Variants in GUCA2B observed in about 807,000 individuals in gnomAD.
GUCA2B encodes the protein prepro-uroguanylin.
In GUCA2B, 7 loss-of-function variants were observed where a neutral mutation model predicts 11.1. That is an observed-to-expected ratio of 0.63 (90% CI 0.36 to 1.18). GUCA2B has a LOEUF of 1.18. Among genes scored for constraint, GUCA2B ranks in the 50% most tolerant of loss-of-function variants. The pLI is 0.02. For missense variants in GUCA2B, 140 were observed against 142.5 expected, an observed-to-expected ratio of 0.98 and a Z score of 0.09; for synonymous variants, 69 against 65.3, an observed-to-expected ratio of 1.06 and a Z score of -0.27.
rs565757456 is a variant in GUCA2B at position 42,155,754 on chromosome 1, A to G, written c.*158A>G. The G allele has an allele frequency of 1.1e-4, 72 of 683,208 alleles. No individual in the cohort carries two copies. The highest frequency in any genetic ancestry group is 4.2e-4 in the Admixed American group (20 of 47,872). 42.3% of individuals were successfully genotyped at this position (683,208 alleles called of 1,614,324 possible). A position where few individuals can be genotyped will look rare whatever the true frequency, so the allele number is the denominator to read the frequency against. On this transcript the variant is annotated 3_prime_UTR_variant, in exon 3 of 3. Transcript: ENST00000372581. ...GAGCAGCTGGATCTGGTACAAAGCA[A>G]TCGGACATAGAGTTGGAGGGGGAGG...
At position 42,155,634 on chromosome 1, in the gene GUCA2B, C is replaced by T. The variant is rs201747322; in HGVS notation, c.*38C>T. The T allele has an allele frequency of 4.8e-5, 71 of 1,493,190 alleles. No homozygotes were observed. The highest frequency in any genetic ancestry group is 1.8e-4 in the East Asian group (8 of 44,314). 92.5% of individuals were successfully genotyped at this position (1,493,190 alleles called of 1,614,324 possible). A position where few individuals can be genotyped will look rare whatever the true frequency, so the allele number is the denominator to read the frequency against. On this transcript the variant is annotated 3_prime_UTR_variant, in exon 3 of 3. Coordinates refer to ENST00000372581, the MANE Select transcript of GUCA2B (RefSeq NM_007102.3). Reference sequence around the variant, plus strand: ...TACCCTGAGCCCACCAGGGACACCTCGCCCTTCAGCCCACCACCCTGGCAG... The same window carrying T: ...TACCCTGAGCCCACCAGGGACACCTTGCCCTTCAGCCCACCACCCTGGCAG...
In GUCA2B at chr1:42,155,585, G is replaced by A. The variant is rs148141677; in HGVS notation, c.328G>A (p.Gly110Ser). Residue 110 changes from glycine (G) to serine (S), a missense_variant, in exon 3 of 3, where the codon GGC becomes AGC. Transcript: ENST00000372581. The part of the protein sequence containing the change: ...CELCVNVACT[G>S]CL The stretch of plus-strand genomic sequence containing the variant: ...GCTGTGTGTGAACGTTGCGTGTACC[G>A]GCTGCCTCTGAGATAGCCCTGGGTA... 1.2e-5 allele frequency: 19 copies of A among 1,613,476 alleles called. 1 individual carries two copies. The highest frequency in any genetic ancestry group is 6.6e-5 in the South Asian group (6 of 91,076).
chr1:42,155,697 CCACCA>C lies in GUCA2B; in HGVS notation c.*102_*106del. The C allele has an allele frequency of 1.1e-6, 1 of 892,556 alleles. No individual in the cohort carries two copies. Among genetic ancestry groups the C allele is most frequent in the Admixed American group, 1.7e-5 (1 of 57,524 alleles). The allele number at this position is 892,556 out of a possible 1,614,324, so 55.3% of individuals were successfully genotyped here. A position where few individuals can be genotyped will look rare whatever the true frequency, so the allele number is the denominator to read the frequency against. On this transcript the variant is annotated 3_prime_UTR_variant, in exon 3 of 3. Coordinates refer to ENST00000372581, the MANE Select transcript of GUCA2B (RefSeq NM_007102.3). Reference sequence around the variant, plus strand: ...GTCCATGCTCAAGATGGGTCCCTGGCCACCATGGTCATCACCACCCTTCCAGGGCC... The same window carrying C: ...GTCCATGCTCAAGATGGGTCCCTGGCTGGTCATCACCACCCTTCCAGGGCC...
chr1:42,153,486 A>T lies in GUCA2B; in HGVS notation c.36A>T (p.Gly12=). The T allele has an allele frequency of 6.2e-7, 1 of 1,612,942 alleles. No homozygotes were observed. Among genetic ancestry groups the T allele is most frequent in the Non-Finnish European group, 8.5e-7 (1 of 1,179,852 alleles). ...GGGCTGCATCAGGGCTCCTGCCAGG[A>T]GTGGCCGTGGTCCTCCTGCTGCTGC... is the stretch of plus-strand genomic sequence containing the variant. The part of the protein sequence containing the change: ...GCRAASGLLP[G]VAVVLLLLLQ... Residue 12 remains glycine, a synonymous_variant, in exon 1 of 3, where the codon GGA becomes GGT. Coordinates refer to ENST00000372581, the MANE Select transcript of GUCA2B (RefSeq NM_007102.3).
intron 2 of GUCA2B, among the ~76,000 whole-genome samples, chr1:42,155,278 G>A (rs1221033205): frequency 6.6e-6 from 1 of 152,210 alleles, no homozygotes; most frequent in Non-Finnish European, 1.5e-5. Flanking sequence ...GGACTTGTCG[G>A]TCCTGCATTA....
intron 1 of GUCA2B, among the ~76,000 whole-genome samples, chr1:42,154,304 A>G (rs926464161): frequency 2.0e-5 from 3 of 152,206 alleles, no homozygotes; most frequent in African/African-American, 7.2e-5. Context: ...TGGGGCTGCC[A>G]TCACTCTGCC....
rs893819743 is a variant in GUCA2B, at chr1:42,153,523, C to G, written c.73C>G (p.Gln25Glu). 5.6e-6 allele frequency: 9 copies of G among 1,611,748 alleles called. No individual in the cohort carries two copies. The highest frequency in any genetic ancestry group is 6.8e-6 in the Non-Finnish European group (8 of 1,178,650). Residue 25 changes from glutamine to glutamate, a missense_variant, in exon 1 of 3, where the codon CAG becomes GAG. Physicochemically the swap from Gln to Glu is conservative, Grantham distance 29. Transcript: ENST00000372581. ...VVLLLLLQST[Q>E]SVYIQYQGFR... ...CCTCCTGCTGCTGCTGCAGAGCACA[C>G]AGTCAGTCTACATCCAGGTGAGTCC...
Position 42,154,828 on chromosome 1 carries a change from G to A in GUCA2B, c.239G>A (p.Cys80Tyr), listed in dbSNP as rs746926535. 3 of 1,613,976 alleles carry A rather than the reference G, an allele frequency of 1.9e-6. No homozygotes were observed. In the African/African-American group the frequency reaches 4.0e-5, roughly 21 times the overall value. ...PALPQDLQPVCASQEASSIFK... is the reference protein window; with the variant it reads ...PALPQDLQPVYASQEASSIFK... ...CTGCCTCAGGACCTTCAGCCTGTCT[G>A]CGCCTCGCAGGAGGCTTCCAGCATC... The change falls in exon 2 of 3, where the codon TGC becomes TAC. Residue 80 changes from cysteine (C) to tyrosine (Y), a missense_variant. Cys to Tyr is a radical substitution (Grantham distance 194). Transcript: ENST00000372581.
chr1:42,154,373 G>A (rs1176037599), intron 1 of GUCA2B, among the ~76,000 whole-genome samples: 2 of 152,230 alleles, frequency 1.3e-5, no homozygotes, highest in Non-Finnish European at 1.5e-5. Flanking sequence ...AGGCCCCCAC[G>A]GGAGATGTCA....
At chr1:42,154,531 C>T (rs1204902519) in intron 1 of GUCA2B, 149 bp from the exon 2 acceptor site, 11 of 671,838 alleles carry the variant, frequency 1.6e-5, no homozygotes, top group South Asian at 7.1e-5. Flanking sequence ...CTCACCGCAG[C>T]GGCTCTTTCC....
At chr1:42,154,381 T>C (rs997618890) in intron 1 of GUCA2B, among the ~76,000 whole-genome samples, 6 of 152,124 alleles carry the variant, frequency 3.9e-5, no homozygotes, top group African/African-American at 1.4e-4. Flanking sequence ...ACGGGAGATG[T>C]CAGATGAGGG....
intron 1 of GUCA2B, 152 bp from the exon 2 acceptor site, chr1:42,154,528 C>A: frequency 1.5e-6 from 1 of 667,204 alleles, no homozygotes. Flanking sequence ...CCTCTCACCG[C>A]AGCGGCTCTT....
At position 42,154,821 on chromosome 1, in the gene GUCA2B, C is replaced by T. The variant is rs115834094; in HGVS notation, c.232C>T (p.Pro78Ser). 4.3e-4 allele frequency: 697 copies of T among 1,614,032 alleles called. 4 individuals are homozygous for T. The African/African-American group carries it at 8.4e-3, about 19-fold the overall frequency. Residue 78 changes from proline to serine, a missense_variant, in exon 2 of 3, where the codon CCT becomes TCT. Transcript: ENST00000372581. The part of the protein sequence containing the change: ...HHPALPQDLQ[P>S]VCASQEASSI... ...CCCTGCTCTGCCTCAGGACCTTCAG[C>T]CTGTCTGCGCCTCGCAGGAGGCTTC...
chr1:42,154,333 G>T (rs576998934), intron 1 of GUCA2B, among the ~76,000 whole-genome samples: 8 of 152,186 alleles, frequency 5.3e-5, no homozygotes, highest in Non-Finnish European at 1.0e-4. Context: ...TCAGGCAGGC[G>T]TACTCAGTTA....
At position 42,155,587 on chromosome 1, in the gene GUCA2B, C is replaced by T. The variant is rs781374573; in HGVS notation, c.330C>T (p.Gly110=). The T allele has an allele frequency of 5.6e-5, 91 of 1,613,418 alleles. 1 individual carries two copies. The South Asian group carries it at 9.0e-4, about 16-fold the overall frequency. The part of the protein sequence containing the change: ...CELCVNVACT[G]CL ...TGTGTGTGAACGTTGCGTGTACCGG[C>T]TGCCTCTGAGATAGCCCTGGGTACC... Residue 110 remains glycine (G), a synonymous_variant, in exon 3 of 3, where the codon GGC becomes GGT. Transcript: ENST00000372581.
rs780536059 is a variant in GUCA2B, at chr1:42,155,017, G to T, written c.277+151G>T. 9.2e-6 allele frequency: 6 copies of T among 654,896 alleles called. No homozygotes were observed. The Admixed American group carries it at 1.2e-4, about 13-fold the overall frequency. The allele number at this position is 654,896 out of a possible 1,614,324, so 40.6% of individuals were successfully genotyped here. ...GTCCCACTGGCTCCCAGGACTCCCC[G>T]GTTTGGGCACTGTGAGTCAGGCATG... On this transcript the variant is annotated intron_variant, in intron 2 of 2. Transcript: ENST00000372581.
chr1:42,153,579 C>T, intron 1 of GUCA2B, 39 bp downstream of exon 1: 1 of 1,411,528 alleles, frequency 7.1e-7, no homozygotes, highest in African/African-American at 1.4e-5. Flanking sequence ...CCTGAAGGGC[C>T]CCATGGTGGG....
chr1:42,154,259 C>A (rs1646097553), intron 1 of GUCA2B, among the ~76,000 whole-genome samples: 1 of 152,150 alleles, frequency 6.6e-6, no homozygotes. Context: ...GAGACTTGGC[C>A]TCCCCAACAG....
Position 42,154,831 on chromosome 1 carries a change from C to T in GUCA2B, c.242C>T (p.Ala81Val). 1 of 1,613,914 alleles carries T rather than the reference C, an allele frequency of 6.2e-7. No individual in the cohort carries two copies. Among genetic ancestry groups the T allele is most frequent in the Non-Finnish European group, 8.5e-7 (1 of 1,179,892 alleles). The change falls in exon 2 of 3, where the codon GCC becomes GTC. Residue 81 changes from alanine to valine, a missense_variant. By Grantham distance (64) the Ala-to-Val change is moderately conservative. Transcript: ENST00000372581. ...CCTCAGGACCTTCAGCCTGTCTGCG[C>T]CTCGCAGGAGGCTTCCAGCATCTTC... Reference protein sequence around the residue: ...ALPQDLQPVCASQEASSIFKT... With the variant: ...ALPQDLQPVCVSQEASSIFKT...
Sources: allele counts gnomAD v4.1 joint callset (sites outside exome capture counted in the v4.1 genomes callset), GRCh38; gene constraint gnomAD v4.1.1; transcripts MANE v1.5; gene names NCBI Gene and HGNC (gene_info 2026-07-23, HGNC 2026-07-21).